The following ANKRD30BL variants were observed in gnomAD, a reference collection of about 807,000 sequenced individuals.
ANKRD30BL encodes the protein ankyrin repeat domain 30B like, also known as putative ankyrin repeat domain-containing protein 30B-like.
In ANKRD30BL, 20 loss-of-function variants were observed where a neutral mutation model predicts 18.4. The ratio of observed to expected loss-of-function variants is 1.09; its 90% CI spans 0.77 to 1.58. ANKRD30BL has a LOEUF of 1.58. ANKRD30BL is among the 40% of genes most tolerant of loss of function. ANKRD30BL has a pLI of 0.00. For synonymous variants in ANKRD30BL, 72 were observed against 100.9 expected (o/e 0.71, Z 1.72); for missense variants, 224 against 268.6 (o/e 0.83, Z 1.16).
At chr2:132,207,653 AG>A (rs1679236066) in intron 1 of ANKRD30BL, among the ~76,000 whole-genome samples, 1 of 152,180 alleles carries the variant, frequency 6.6e-6, no homozygotes, top group South Asian at 2.1e-4. Flanking sequence ...TTCAGAAGGA[AG>A]GGCCTTCCAT....
chr2:132,200,320 A>G (rs1679069984), intron 1 of ANKRD30BL, among the ~76,000 whole-genome samples: 1 of 151,892 alleles, frequency 6.6e-6, no homozygotes, highest in East Asian at 1.9e-4. Flanking sequence ...AAGGAAATAA[A>G]GGGTATTCAA....
chr2:132,161,669 T>A lies in ANKRD30BL; in HGVS notation c.37A>T (p.Thr13Ser), dbSNP rs113459051. 3.0e-5 allele frequency: 44 copies of A among 1,448,510 alleles called. 3 individuals carry two copies. Among genetic ancestry groups the A allele is most frequent in the African/African-American group, 2.5e-4 (18 of 70,686 alleles). 89.7% of individuals were successfully genotyped at this position (1,448,510 alleles called of 1,614,324 possible). A position where few individuals can be genotyped will look rare whatever the true frequency, so the allele number is the denominator to read the frequency against. The change falls in exon 1 of 6, where the codon ACG (threonine) becomes TCG (serine). Residue 13 changes from threonine (T) to serine (S), a missense_variant. Thr to Ser is a moderately conservative substitution (Grantham distance 58, BLOSUM62 1). Coordinates refer to ENST00000409867, the MANE Select transcript of ANKRD30BL (RefSeq NM_001358416.1). ...RLSAAPVKGQTGPERPSPFSQ... is the reference protein window; with the variant it reads ...RLSAAPVKGQSGPERPSPFSQ... ...AAGGGGCTCGGGCGCTCTGGGCCCG[T>A]CTGGCCCTTGACAGGGGCGGCAGAG...
intron 1 of ANKRD30BL, among the ~76,000 whole-genome samples, chr2:132,159,406 A>G (rs1416007780): frequency 6.6e-6 from 1 of 152,102 alleles, no homozygotes; most frequent in African/African-American, 2.4e-5. Context: ...TATCCTCACA[A>G]ACTTTGTAGA....
chr2:132,208,896 C>T (rs1342018863), intron 1 of ANKRD30BL, among the ~76,000 whole-genome samples: 1 of 151,854 alleles, frequency 6.6e-6, no homozygotes, highest in African/African-American at 2.4e-5. Context: ...GTGCATTCAC[C>T]TCACAGAGTT....
At chr2:132,236,492 G>T (rs1268555358) in intron 1 of ANKRD30BL, among the ~76,000 whole-genome samples, 5 of 152,018 alleles carry the variant, frequency 3.3e-5, no homozygotes, top group African/African-American at 1.2e-4. Context: ...CTCAAAAGAA[G>T]ACATTTATGC....
chr2:132,232,942 CG>C (rs758128804), intron 1 of ANKRD30BL, among the ~76,000 whole-genome samples: 3 of 152,054 alleles, frequency 2.0e-5, no homozygotes, highest in Admixed American at 6.6e-5. Flanking sequence ...AGAGAAAGGT[CG>C]GGTTACCCTC....
At chr2:132,207,899 T>C (rs891383643) in intron 1 of ANKRD30BL, among the ~76,000 whole-genome samples, 3 of 152,344 alleles carry the variant, frequency 2.0e-5, no homozygotes, top group African/African-American at 7.2e-5. Context: ...TATGATACTA[T>C]AATGCTCAGA....
intron 1 of ANKRD30BL, among the ~76,000 whole-genome samples, chr2:132,217,097 A>C (rs1305697213): frequency 2.6e-5 from 4 of 151,982 alleles, no homozygotes; most frequent in Non-Finnish European, 5.9e-5. Flanking sequence ...ATATCTTCAC[A>C]TAAAAACTAG....
At chr2:132,191,335 C>A (rs1286627194) in intron 1 of ANKRD30BL, among the ~76,000 whole-genome samples, 2 of 152,064 alleles carry the variant, frequency 1.3e-5, no homozygotes, top group Non-Finnish European at 2.9e-5. Context: ...ACAAATGTTT[C>A]TATTCCTTGA....
At chr2:132,238,997 T>G (rs1279609763) in intron 1 of ANKRD30BL, among the ~76,000 whole-genome samples, 1 of 152,148 alleles carries the variant, frequency 6.6e-6, no homozygotes, top group Non-Finnish European at 1.5e-5. Context: ...CAGAAACTTC[T>G]TTGTGAGACT....
intron 1 of ANKRD30BL, among the ~76,000 whole-genome samples, chr2:132,233,647 C>T (rs200179297): frequency 6.6e-6 from 1 of 150,624 alleles, no homozygotes; most frequent in Non-Finnish European, 1.5e-5. Context: ...TATCCTAAAT[C>T]TATATGCACC....
intron 1 of ANKRD30BL, among the ~76,000 whole-genome samples, chr2:132,200,699 C>T (rs1223449091): frequency 5.3e-5 from 8 of 152,058 alleles, no homozygotes; most frequent in Non-Finnish European, 1.2e-4. Flanking sequence ...GAATCAATAT[C>T]GTGAAAATGG....
chr2:132,187,599 C>A (rs1416232666), intron 1 of ANKRD30BL, among the ~76,000 whole-genome samples: 2 of 151,988 alleles, frequency 1.3e-5, no homozygotes, highest in Non-Finnish European at 2.9e-5. Context: ...CAGATGTGAG[C>A]CACGCCCCAC....
At chr2:132,229,369 C>T (rs879167539) in intron 1 of ANKRD30BL, among the ~76,000 whole-genome samples, 1 of 152,076 alleles carries the variant, frequency 6.6e-6, no homozygotes, top group Non-Finnish European at 1.5e-5. Flanking sequence ...TTTGATTGAG[C>T]AGTTTGGAAA....
chr2:132,233,557 T>C (rs1249284274), intron 1 of ANKRD30BL, among the ~76,000 whole-genome samples: 1 of 149,102 alleles, frequency 6.7e-6, no homozygotes, highest in Non-Finnish European at 1.5e-5. Context: ...TAAAACAGAC[T>C]TTAAACCAAC....
upstream of ANKRD30BL, among the ~76,000 whole-genome samples, chr2:132,164,555 T>A (rs1353776545): frequency 6.6e-6 from 1 of 151,690 alleles, no homozygotes. Flanking sequence ...CCTCCCAAAG[T>A]GCTGGGATTA....
At chr2:132,235,423 G>A (rs375094511) in intron 1 of ANKRD30BL, among the ~76,000 whole-genome samples, 6 of 152,112 alleles carry the variant, frequency 3.9e-5, no homozygotes, top group African/African-American at 1.4e-4. Context: ...TGACATGATT[G>A]TATATCTAGA....
rs569228108 is a variant in ANKRD30BL, at chr2:132,246,829, G to A, written n.441+10700C>T. On this transcript the variant is annotated intron_variant and non_coding_transcript_variant, in intron 1 of 4. Transcript: ENST00000470729. ...TATCTTCCAATAAAACTAGGCAGAAGAATTCTCAGAAACTTCTTAGTGATG... is the reference window on the plus strand; with the variant it reads ...TATCTTCCAATAAAACTAGGCAGAAAAATTCTCAGAAACTTCTTAGTGATG... 7.6e-3 allele frequency among the ~76,000 whole-genome samples: 1,156 copies of A among 151,618 alleles called. 14 individuals are homozygous for A. The highest frequency in any genetic ancestry group is 0.026 in the African/African-American group (1,072 of 41,418).
chr2:132,161,521 G>T lies in ANKRD30BL; in HGVS notation c.185C>A (p.Thr62Lys). Residue 62 changes from threonine to lysine, a missense_variant, in exon 1 of 6, where the codon ACA becomes AAA. Around this residue, in one of 3 missense-constraint regions of ANKRD30BL, gnomAD observed 131 missense variants for 128.8 expected, o/e 1.02. Transcript: ENST00000409867. Reference protein sequence around the residue: ...WKLERMMKKTTMDLNIRDAKK... With the variant: ...WKLERMMKKTKMDLNIRDAKK... ...CGCATCTCTTATGTTCAGGTCCATT[G>T]TCGTCTTCTTCATCATCCTCTCCAG... 2 of 1,456,728 alleles carry T rather than the reference G, an allele frequency of 1.4e-6. No homozygotes were observed. Among genetic ancestry groups the T allele is most frequent in the Non-Finnish European group, 1.9e-6 (2 of 1,063,392 alleles). The allele number at this position is 1,456,728 out of a possible 1,614,324, so 90.2% of individuals were successfully genotyped here. A position where few individuals can be genotyped will look rare whatever the true frequency, so the allele number is the denominator to read the frequency against.
Sources: allele counts gnomAD v4.1 joint callset (sites outside exome capture counted in the v4.1 genomes callset), GRCh38; gene constraint gnomAD v4.1.1; regional missense constraint gnomAD v4.1.1; transcripts MANE v1.5; gene names NCBI Gene and HGNC (gene_info 2026-07-23, HGNC 2026-07-21).